PDE3A: variants seen among roughly 807,000 people sequenced by gnomAD.
The protein encoded by PDE3A is phosphodiesterase 3A.
A neutral mutation model predicts 98.3 loss-of-function variants in PDE3A; 43 were observed. That is an observed-to-expected ratio of 0.44 (90% CI 0.34 to 0.56). The LOEUF is 0.56. Ranked by LOEUF, PDE3A falls within the 20% of genes least tolerant of loss-of-function variation. The pLI is 0.01. For missense variants in PDE3A, 1,427 were observed against 1,440.7 expected, an observed-to-expected ratio of 0.99 and a Z score of 0.15; for synonymous variants, 663 against 567.9, an observed-to-expected ratio of 1.17 and a Z score of -2.38.
rs1479969156 is a variant in PDE3A at position 20,516,940 on chromosome 12, G to C, written c.961-39720G>C. ...CTCTTTTCTCCCAATACAAATTATAGAATTTCAAAGCAGGAAGAGCATCTT... is the reference window on the plus strand; with the variant it reads ...CTCTTTTCTCCCAATACAAATTATACAATTTCAAAGCAGGAAGAGCATCTT... On this transcript the variant is annotated intron_variant, in intron 1 of 15. Transcript: ENST00000359062. Among the ~76,000 whole-genome samples the C allele has an allele frequency of 2.0e-5, 3 of 152,248 alleles. No individual in the cohort carries two copies. The East Asian group carries it at 5.8e-4, about 29-fold the overall frequency.
At chr12:20,458,331 G>T (rs1413288938) in intron 1 of PDE3A, among the ~76,000 whole-genome samples, 1 of 150,338 alleles carries the variant, frequency 6.7e-6, no homozygotes, top group East Asian at 2.0e-4. Flanking sequence ...TTCAAGAATA[G>T]TCCTTTTACT....
chr12:20,653,362 C>G (rs548259239), intron 14 of PDE3A, among the ~76,000 whole-genome samples: 2 of 151,154 alleles, frequency 1.3e-5, no homozygotes, highest in South Asian at 4.2e-4. Flanking sequence ...AAAAATTGTT[C>G]TCACTATTGC....
At chr12:20,634,178 A>G (rs1215725394) in intron 7 of PDE3A, among the ~76,000 whole-genome samples, 1 of 152,166 alleles carries the variant, frequency 6.6e-6, no homozygotes, top group Non-Finnish European at 1.5e-5. Context: ...AATATATAGA[A>G]CTATATAGAA....
rs199990605 is a variant in PDE3A, at chr12:20,615,000, C to T, written c.1270-1230C>T. Reference sequence around the variant, plus strand: ...GTTTAACTTTTTCTTTTCTTTTTTTCTTTCTTTCTCTCTTTCTTTTTTTTT... The same window carrying T: ...GTTTAACTTTTTCTTTTCTTTTTTTTTTTCTTTCTCTCTTTCTTTTTTTTT... On this transcript the variant is annotated intron_variant, in intron 3 of 15. Coordinates refer to ENST00000359062, the MANE Select transcript of PDE3A (RefSeq NM_000921.5). Among the ~76,000 whole-genome samples, 11 of 4,866 alleles carry T rather than the reference C, an allele frequency of 2.3e-3. No individual in the cohort carries two copies. The South Asian group carries it at 0.094, about 41-fold the overall frequency. The allele number at this position is 4,866 out of a possible 152,430, so 3.2% of individuals were successfully genotyped here.
At chr12:20,658,027 T>C (rs1306370842) in intron 15 of PDE3A, among the ~76,000 whole-genome samples, 2 of 152,196 alleles carry the variant, frequency 1.3e-5, no homozygotes, top group African/African-American at 4.8e-5. Flanking sequence ...GCTTAAAAAG[T>C]ATATTAACAT....
intron 15 of PDE3A, among the ~76,000 whole-genome samples, chr12:20,666,939 T>C (rs529995907): frequency 6.6e-6 from 1 of 152,316 alleles, no homozygotes; most frequent in African/African-American, 2.4e-5. Flanking sequence ...CCAGCATCTG[T>C]TGTTTTTCTG....
At chr12:20,457,388 G>A (rs1018966037) in intron 1 of PDE3A, among the ~76,000 whole-genome samples, 1 of 151,404 alleles carries the variant, frequency 6.6e-6, no homozygotes, top group African/African-American at 2.4e-5. Context: ...TATTATACTT[G>A]TAGTATTTCA....
chr12:20,541,075 CTTTTTTTTTTTTTTTTTTTTTTTTTTTT>C (rs777927679), intron 1 of PDE3A, among the ~76,000 whole-genome samples: 1 of 52,958 alleles, frequency 1.9e-5, no homozygotes, highest in Non-Finnish European at 3.5e-5. Flanking sequence ...TGGTAACTTT[CTTTTTTTTTTTTTTTTTTTTTTTTTTTT>C]TTTTTTTTTT....
chr12:20,667,737 C>T (rs1945353069), intron 15 of PDE3A, among the ~76,000 whole-genome samples: 1 of 152,130 alleles, frequency 6.6e-6, no homozygotes, highest in African/African-American at 2.4e-5. Flanking sequence ...TTCAGGATTG[C>T]TTTGGCTACT....
rs1276473871 is a variant in PDE3A, at chr12:20,369,249, G to A, written c.-36G>A. On this transcript the variant is annotated 5_prime_UTR_variant, in exon 1 of 16. Transcript: ENST00000359062. ...TGGGTCGGGGCGGGGGCGTCGGGGG[G>A]CCACTGGGAATTCAGTGAAGAGGGC... 8 of 1,444,420 alleles carry A rather than the reference G, an allele frequency of 5.5e-6. No individual in the cohort carries two copies. The highest frequency in any genetic ancestry group is 5.1e-5 in the Admixed American group (2 of 39,352). The allele number at this position is 1,444,420 out of a possible 1,614,324, so 89.5% of individuals were successfully genotyped here.
At chr12:20,455,000 T>G (rs988488953) in intron 1 of PDE3A, among the ~76,000 whole-genome samples, 2 of 152,184 alleles carry the variant, frequency 1.3e-5, no homozygotes, top group African/African-American at 4.8e-5. Flanking sequence ...TAATGAGATT[T>G]CTGGGTTGAA....
intron 15 of PDE3A, among the ~76,000 whole-genome samples, chr12:20,669,574 C>A (rs959240138): frequency 2.0e-5 from 3 of 151,934 alleles, no homozygotes; most frequent in Non-Finnish European, 2.9e-5. Flanking sequence ...AATTTCCAAC[C>A]CAGAATTTCA....
intron 15 of PDE3A, among the ~76,000 whole-genome samples, chr12:20,675,114 CCATTTT>C (rs1429081536): frequency 6.6e-6 from 1 of 151,778 alleles, no homozygotes; most frequent in Non-Finnish European, 1.5e-5. Flanking sequence ...TGTGTTGTTT[CCATTTT>C]CATTTGTTTC....
At chr12:20,516,409 T>C (rs958940564) in intron 1 of PDE3A, among the ~76,000 whole-genome samples, 4 of 152,214 alleles carry the variant, frequency 2.6e-5, no homozygotes, top group African/African-American at 9.6e-5. Flanking sequence ...TTCAAAATGG[T>C]AGTGAAACAA....
chr12:20,453,174 T>TG, intron 1 of PDE3A, among the ~76,000 whole-genome samples: 1 of 44,512 alleles, frequency 2.2e-5, no homozygotes, highest in African/African-American at 7.6e-5. Context: ...TTGATAATGC[T>TG]TTTTTTTTTT....
chr12:20,662,392 G>A (rs556822727), intron 15 of PDE3A, among the ~76,000 whole-genome samples: 55 of 152,286 alleles, frequency 3.6e-4, no homozygotes, highest in African/African-American at 1.3e-3. Flanking sequence ...CAGAGCCACA[G>A]GGGCAAAGCT....
chr12:20,615,261 C>A (rs1326508137), intron 3 of PDE3A, among the ~76,000 whole-genome samples: 1 of 152,088 alleles, frequency 6.6e-6, no homozygotes, highest in Non-Finnish European at 1.5e-5. Context: ...TCCTAGTGAT[C>A]CCAGACTCTT....
chr12:20,389,713 A>G (rs1943879581), intron 1 of PDE3A, among the ~76,000 whole-genome samples: 1 of 152,002 alleles, frequency 6.6e-6, no homozygotes, highest in Non-Finnish European at 1.5e-5. Flanking sequence ...CAAGGGATAA[A>G]TACTTTGAAA....
chr12:20,452,115 A>G (rs569656721), intron 1 of PDE3A, among the ~76,000 whole-genome samples: 3 of 152,294 alleles, frequency 2.0e-5, no homozygotes, highest in African/African-American at 7.2e-5. Context: ...GGAGTACTTA[A>G]TCCCAGTAAA....
Sources: allele counts gnomAD v4.1 joint callset (sites outside exome capture counted in the v4.1 genomes callset), GRCh38; gene constraint gnomAD v4.1.1; transcripts MANE v1.5; gene names NCBI Gene and HGNC (gene_info 2026-07-23, HGNC 2026-07-21).